The following STPG4 variants were observed in gnomAD, a reference collection of about 807,000 sequenced individuals.
STPG4 encodes protein STPG4.
Under a neutral mutation model 31.5 loss-of-function variants are expected in STPG4, and 41 were observed. The observed-to-expected ratio is 1.30, with a 90% CI of 1.01 to 1.69. STPG4 has a LOEUF of 1.69. Ranked by LOEUF, STPG4 falls within the 40% of genes most tolerant of loss-of-function variation. The probability of loss-of-function intolerance (pLI) is 0.00; values close to 1 mark genes in which losing one functional copy is unlikely to be tolerated. For missense variants in STPG4, 375 were observed against 293.4 expected, an observed-to-expected ratio of 1.28 and a Z score of -2.03; for synonymous variants, 141 against 103.0, an observed-to-expected ratio of 1.37 and a Z score of -2.24.
chr2:47,105,082 G>C (rs1479206800), intron 5 of STPG4, among the ~76,000 whole-genome samples: 1 of 151,922 alleles, frequency 6.6e-6, no homozygotes, highest in Non-Finnish European at 1.5e-5. Flanking sequence ...ACCAGAGGCA[G>C]AAACAGCCTT....
rs555522731 is a variant in STPG4, at chr2:47,150,734, C to T, written c.399+524G>A. 5.7e-4 allele frequency among the ~76,000 whole-genome samples: 86 copies of T among 151,738 alleles called. 1 individual carries two copies. The highest frequency in any genetic ancestry group is 1.1e-3 in the Non-Finnish European group (77 of 67,988). Reference sequence around the variant, plus strand: ...ACCTGGCCTCAAGTGATCCTCCCACCTCAGCTTCCAGAGTAGTTGGGACCA... The same window carrying T: ...ACCTGGCCTCAAGTGATCCTCCCACTTCAGCTTCCAGAGTAGTTGGGACCA... On this transcript the variant is annotated intron_variant, in intron 3 of 6. Transcript: ENST00000445927.
At chr2:47,127,895 T>A (rs1686396069) in intron 5 of STPG4, among the ~76,000 whole-genome samples, 1 of 152,166 alleles carries the variant, frequency 6.6e-6, no homozygotes, top group Non-Finnish European at 1.5e-5. Flanking sequence ...GATACCTGTA[T>A]ATGTTTGCCG....
At chr2:47,089,620 C>T (rs907641145) in intron 6 of STPG4, among the ~76,000 whole-genome samples, 4 of 151,044 alleles carry the variant, frequency 2.6e-5, no homozygotes, top group Non-Finnish European at 5.9e-5. Context: ...CTGAAAGCAA[C>T]AAAGCTATGG....
In STPG4 at chr2:47,155,174, A is replaced by C; in HGVS notation, c.78T>G (p.Ala26=). ...DLVGGESFIT[A]SKPAQKTSSF... is the part of the protein sequence containing the mutation. ...GGCAAGGGGCAGGCCATCTTACCGA[A>C]GCTGTGATGAATGATTCTCCACCCA... The change falls in exon 1 of 7, where the codon GCT becomes GCG. Residue 26 remains alanine, a synonymous_variant. Transcript: ENST00000445927. The C allele has an allele frequency of 1.2e-6, 2 of 1,614,064 alleles. No homozygotes were observed. Among genetic ancestry groups the C allele is most frequent in the Non-Finnish European group, 8.5e-7 (1 of 1,179,982 alleles).
At chr2:47,132,436 C>T (rs900076245) in intron 3 of STPG4, among the ~76,000 whole-genome samples, 3 of 152,176 alleles carry the variant, frequency 2.0e-5, no homozygotes, top group Non-Finnish European at 4.4e-5. Context: ...TATATTTCAC[C>T]CTGCAGCTGT....
intron 3 of STPG4, among the ~76,000 whole-genome samples, chr2:47,149,543 T>C (rs1301233874): frequency 2.0e-5 from 3 of 152,218 alleles, no homozygotes; most frequent in African/African-American, 7.2e-5. Flanking sequence ...TAATGAACAC[T>C]TATCATTCTG....
intron 3 of STPG4, among the ~76,000 whole-genome samples, chr2:47,146,342 G>A (rs1372845819): frequency 2.6e-5 from 4 of 151,944 alleles, no homozygotes; most frequent in East Asian, 3.9e-4. Flanking sequence ...ACAGCCCCCC[G>A]CCCCACCCAA....
intron 3 of STPG4, among the ~76,000 whole-genome samples, chr2:47,130,785 G>C (rs182959538): frequency 1.8e-3 from 274 of 152,184 alleles, no homozygotes; most frequent in African/African-American, 5.6e-3. Context: ...AAAGTACTGG[G>C]ATTACAGGCA....
chr2:47,088,182 C>T lies in STPG4; in HGVS notation c.625-1052G>A, dbSNP rs562671379. ...GCAACCTCCACCTCCTGGGCTTAAG[C>T]GATTCTCATGCCTCAGCCACCTGAG... On this transcript the variant is annotated intron_variant, in intron 6 of 6. Transcript: ENST00000445927. 1.6e-4 allele frequency among the ~76,000 whole-genome samples: 25 copies of T among 152,204 alleles called. 1 individual carries two copies. In the East Asian group the frequency reaches 2.3e-3, roughly 14 times the overall value.
intron 3 of STPG4, among the ~76,000 whole-genome samples, chr2:47,141,309 C>A (rs1400875505): frequency 1.4e-4 from 20 of 140,556 alleles, no homozygotes; most frequent in Non-Finnish European, 1.5e-5. Flanking sequence ...GAGAAATAAA[C>A]AACATGGGAC....
chr2:47,091,422 G>C lies in STPG4; in HGVS notation c.520-1048C>G, dbSNP rs573983123. 2.0e-5 allele frequency among the ~76,000 whole-genome samples: 3 copies of C among 152,332 alleles called. No individual in the cohort carries two copies. The South Asian group carries it at 6.2e-4, about 32-fold the overall frequency. On this transcript the variant is annotated intron_variant, in intron 5 of 6. Coordinates refer to ENST00000445927, the MANE Select transcript of STPG4 (RefSeq NM_001163561.2). ...CAGCCTAGAATGTGGCAGGGAAAAT[G>C]GGAATAGCCCAAACACCACACTGGA...
At chr2:47,112,567 C>G (rs2103756323) in intron 5 of STPG4, among the ~76,000 whole-genome samples, 1 of 152,260 alleles carries the variant, frequency 6.6e-6, no homozygotes. Flanking sequence ...CTGTTTGTAT[C>G]TTTTATAACT....
intron 5 of STPG4, among the ~76,000 whole-genome samples, chr2:47,093,172 T>G (rs1685605431): frequency 6.6e-6 from 1 of 152,200 alleles, no homozygotes; most frequent in Non-Finnish European, 1.5e-5. Flanking sequence ...CATTCTCAAT[T>G]ACTCCACCAT....
At chr2:47,099,064 A>T (rs911083692) in intron 5 of STPG4, among the ~76,000 whole-genome samples, 1 of 152,214 alleles carries the variant, frequency 6.6e-6, no homozygotes, top group Non-Finnish European at 1.5e-5. Flanking sequence ...AAAGAGAGAA[A>T]ATATGACGGT....
At chr2:47,117,357 G>GTGC (rs1686173727) in intron 5 of STPG4, among the ~76,000 whole-genome samples, 1 of 152,162 alleles carries the variant, frequency 6.6e-6, no homozygotes, top group Non-Finnish European at 1.5e-5. Context: ...TTAGAGGCAT[G>GTGC]CACCACCACA....
chr2:47,141,746 C>G (rs183942086), intron 3 of STPG4, among the ~76,000 whole-genome samples: 12 of 151,954 alleles, frequency 7.9e-5, no homozygotes, highest in African/African-American at 2.9e-4. Flanking sequence ...TATAGTAGTG[C>G]AACTGTTCAA....
chr2:47,106,839 C>A (rs767464338), intron 5 of STPG4, among the ~76,000 whole-genome samples: 7 of 151,934 alleles, frequency 4.6e-5, no homozygotes, highest in Non-Finnish European at 1.0e-4. Context: ...AACTTCTTAT[C>A]AAATTTGTTT....
At position 47,087,124 on chromosome 2, in the gene STPG4, G is replaced by C; in HGVS notation, c.631C>G (p.Pro211Ala). Residue 211 changes from proline to alanine, a missense_variant, in exon 7 of 7, where the codon CCA (proline) becomes GCA (alanine). Coordinates refer to ENST00000445927, the MANE Select transcript of STPG4 (RefSeq NM_001163561.2). ...PRFLPSCSKT[P>A]GPGAYTTLRQ... ...AAAGTTGTATATGCTCCTGGGCCTG[G>C]GGTTTTCTGAAAACAGAGCAGAAAA... The C allele has an allele frequency of 6.4e-7, 1 of 1,551,668 alleles. No homozygotes were observed. Among genetic ancestry groups the C allele is most frequent in the Non-Finnish European group, 8.7e-7 (1 of 1,146,978 alleles).
At chr2:47,147,208 A>T (rs1686841623) in intron 3 of STPG4, among the ~76,000 whole-genome samples, 1 of 152,174 alleles carries the variant, frequency 6.6e-6, no homozygotes, top group Admixed American at 6.5e-5. Flanking sequence ...AAGTCCATTC[A>T]GTGCCCATCA....
Sources: gnomAD v4.1 joint callset for allele counts (sites outside exome capture counted in the v4.1 genomes callset) on GRCh38, gnomAD v4.1.1 for gene constraint, MANE v1.5 for transcripts, NCBI Gene and HGNC (gene_info 2026-07-23, HGNC 2026-07-21) for gene names.